The following HIVEP3 variants were observed in gnomAD, a reference collection of about 807,000 sequenced individuals.
The protein encoded by HIVEP3 is transcription factor HIVEP3.
A neutral mutation model predicts 152.8 loss-of-function variants in HIVEP3; 49 were observed. The observed-to-expected ratio is 0.32, with a 90% confidence interval of 0.26 to 0.41. The LOEUF is 0.41. Ranked by LOEUF, HIVEP3 falls within the 10% of genes least tolerant of loss-of-function variation. The pLI, the probability that HIVEP3 is intolerant of heterozygous loss-of-function variation, is 1.00. For missense variants in HIVEP3, 2,790 were observed against 3,103.3 expected (o/e 0.90, Z 2.40); for synonymous variants, 1,269 against 1,289.0 (o/e 0.98, Z 0.33).
Position 41,941,982 on chromosome 1 carries a change from T to C in HIVEP3, n.120-23458A>G, listed in dbSNP as rs1195160282. ...GGGGACACAGGAGATCTGTCACCTC[T>C]AAGTCTGAAAAAATAATATTAATAA... On this transcript the variant is annotated intron_variant and non_coding_transcript_variant, in intron 1 of 3. Coordinates refer to the HIVEP3 transcript ENST00000489103. Among the ~76,000 whole-genome samples, 14 of 152,118 alleles carry C rather than the reference T, an allele frequency of 9.2e-5. No individual in the cohort carries two copies. The South Asian group carries it at 1.0e-3, about 11-fold the overall frequency.
chr1:41,545,638 C>A (rs1643769634), intron 5 of HIVEP3, among the ~76,000 whole-genome samples: 1 of 133,380 alleles, frequency 7.5e-6, no homozygotes. Flanking sequence ...ACCACCATCA[C>A]CACCATCACC....
rs956849917 is a variant in HIVEP3 at position 41,510,573 on chromosome 1, C to T, written c.7099G>A (p.Ala2367Thr). The change falls in exon 9 of 9, where the codon GCC becomes ACC. Residue 2367 changes from alanine (A) to threonine (T), a missense_variant. Coordinates refer to ENST00000372583, the MANE Select transcript of HIVEP3 (RefSeq NM_024503.5). ...CLAEASARFP[A>T]RTRNLSGEPR... ...TCCCCGGAGAGGTTCCTCGTCCGGG[C>T]TGGGAAGCGGGCAGAGGCCTCTGCC... The T allele has an allele frequency of 1.9e-6, 3 of 1,562,444 alleles. No individual in the cohort carries two copies. In the African/African-American group the frequency reaches 4.1e-5, roughly 21 times the overall value.
intron 1 of HIVEP3, among the ~76,000 whole-genome samples, chr1:41,932,492 T>G (rs1645000887): frequency 6.6e-6 from 1 of 151,922 alleles, no homozygotes; most frequent in African/African-American, 2.4e-5. Flanking sequence ...TACCTTATTA[T>G]TCTTTTAATA....
chr1:41,828,631 T>C (rs1462018034), intron 1 of HIVEP3, among the ~76,000 whole-genome samples: 1 of 152,206 alleles, frequency 6.6e-6, no homozygotes, highest in Non-Finnish European at 1.5e-5. Flanking sequence ...CAGATGGTAT[T>C]AGGTACTTCC....
At chr1:41,997,460 C>T (rs74560475) in intron 1 of HIVEP3, among the ~76,000 whole-genome samples, 1,935 of 152,280 alleles carry the variant, frequency 0.013, 34 homozygotes, top group African/African-American at 0.043. Context: ...AGTTGCACTT[C>T]GTGTAAATTT....
Position 41,511,103 on chromosome 1 carries a change from G to T in HIVEP3, c.6569C>A (p.Ala2190Asp). The change falls in exon 9 of 9, where the codon GCC becomes GAC. Residue 2190 changes from alanine to aspartate, a missense_variant. Ala to Asp is a moderately radical substitution (Grantham distance 126). Around this residue, in one of 9 missense-constraint regions of HIVEP3, gnomAD observed 816 missense variants for 806.5 expected, o/e 1.01. Transcript: ENST00000372583. This position sits in a 1 kb window ranked among gnomAD's most constrained non-coding sequence, Gnocchi z 4.9. The stretch of plus-strand genomic sequence containing the variant: ...ACCGATGGGAATCAAGGGACATGGG[G>T]CACGGGTCAAGTGCTGGGAGTGCAG... ...LPLHSQHLTRAPCPLIPIGGI... is the reference protein window; with the variant it reads ...LPLHSQHLTRDPCPLIPIGGI... The T allele has an allele frequency of 6.2e-7, 1 of 1,614,204 alleles. No homozygotes were observed. Among genetic ancestry groups the T allele is most frequent in the Non-Finnish European group, 8.5e-7 (1 of 1,180,026 alleles).
chr1:41,674,035 C>T (rs1270252651), intron 2 of HIVEP3, among the ~76,000 whole-genome samples: 2 of 152,208 alleles, frequency 1.3e-5, no homozygotes, highest in Admixed American at 1.3e-4. Flanking sequence ...GACACCAGGG[C>T]GGGGCATTTC....
At chr1:41,943,963 T>C (rs1339066369) in intron 1 of HIVEP3, among the ~76,000 whole-genome samples, 1 of 152,230 alleles carries the variant, frequency 6.6e-6, no homozygotes, top group Non-Finnish European at 1.5e-5. Context: ...TTCTGACACA[T>C]GCTACTACAC....
At chr1:41,857,810 A>C (rs568007439) in intron 1 of HIVEP3, among the ~76,000 whole-genome samples, 3 of 152,278 alleles carry the variant, frequency 2.0e-5, no homozygotes, top group Admixed American at 1.3e-4. Flanking sequence ...TACCTCTCTA[A>C]GCTAGAAGAC....
chr1:42,002,050 CTGAT>C (rs1038797820), intron 1 of HIVEP3, among the ~76,000 whole-genome samples: 23 of 152,146 alleles, frequency 1.5e-4, no homozygotes, highest in Admixed American at 6.5e-4. Flanking sequence ...TCACACTTTT[CTGAT>C]TGACTGCCAG....
At chr1:41,530,203 C>T (rs1164030704) in intron 5 of HIVEP3, among the ~76,000 whole-genome samples, 1 of 152,206 alleles carries the variant, frequency 6.6e-6, no homozygotes, top group East Asian at 1.9e-4. Context: ...CAGTTTTGGC[C>T]GTGTCCCCAG....
intron 1 of HIVEP3, among the ~76,000 whole-genome samples, chr1:42,032,225 C>G (rs1431944035): frequency 3.3e-5 from 5 of 152,350 alleles, no homozygotes; most frequent in African/African-American, 1.2e-4. Context: ...CTCTCACACA[C>G]AAAATGCTCC....
intron 1 of HIVEP3, among the ~76,000 whole-genome samples, chr1:41,791,765 C>T (rs1229088428): frequency 6.6e-6 from 1 of 152,158 alleles, no homozygotes; most frequent in Non-Finnish European, 1.5e-5. Flanking sequence ...ATATAACAGA[C>T]ATACAAGTCA....
intron 5 of HIVEP3, among the ~76,000 whole-genome samples, chr1:41,559,655 C>G (rs1252825879): frequency 6.6e-6 from 1 of 152,198 alleles, no homozygotes; most frequent in Non-Finnish European, 1.5e-5. Flanking sequence ...TCACATGTTG[C>G]CTCCTACTTC....
intron 3 of HIVEP3, among the ~76,000 whole-genome samples, chr1:41,622,609 C>T (rs1367489272): frequency 1.3e-5 from 2 of 152,180 alleles, no homozygotes; most frequent in African/African-American, 2.4e-5. Context: ...ACTATATGCC[C>T]GGCAAAGCTT....
intron 1 of HIVEP3, among the ~76,000 whole-genome samples, chr1:41,889,815 T>C (rs1054793528): frequency 2.0e-5 from 3 of 152,200 alleles, no homozygotes; most frequent in African/African-American, 7.2e-5. Flanking sequence ...TGGATAGGGT[T>C]TGCAGTCTCC....
At chr1:41,793,337 G>T (rs349439) in intron 1 of HIVEP3, among the ~76,000 whole-genome samples, 46,583 of 152,088 alleles carry the variant, frequency 0.31, 7,906 homozygotes, top group Middle Eastern at 0.45. Flanking sequence ...TTCTCTGACT[G>T]CTTCAAAGGT....
intron 1 of HIVEP3, among the ~76,000 whole-genome samples, chr1:41,939,278 T>C (rs1254290094): frequency 6.6e-6 from 1 of 152,226 alleles, no homozygotes; most frequent in Non-Finnish European, 1.5e-5. Flanking sequence ...GCCCTCTGTG[T>C]GTCCCTCTTT....
intron 1 of HIVEP3, among the ~76,000 whole-genome samples, chr1:41,759,605 CA>C (rs1331860591): frequency 6.6e-6 from 1 of 152,136 alleles, no homozygotes; most frequent in Admixed American, 6.5e-5. Context: ...TTAACTTATT[CA>C]GGAACCTCCA....
Sources: allele counts gnomAD v4.1 joint callset (sites outside exome capture counted in the v4.1 genomes callset), GRCh38; gene constraint gnomAD v4.1.1; regional missense constraint gnomAD v4.1.1; non-coding constraint Gnocchi (gnomAD v3.1); transcripts MANE v1.5; gene names NCBI Gene and HGNC (gene_info 2026-07-23, HGNC 2026-07-21).